Variants in SGO1 observed in about 807,000 individuals in gnomAD.
SGO1 encodes the protein serologically defined breast cancer antigen NY-BR-85.
Under a neutral mutation model 50.5 loss-of-function variants are expected in SGO1, and 39 were observed. The ratio of observed to expected loss-of-function variants is 0.77; its 90% CI spans 0.60 to 1.01. The LOEUF (loss-of-function observed/expected upper bound fraction) is 1.01, where lower values mean the gene tolerates loss of function less well. Among genes scored for constraint, SGO1 ranks in the 50% least tolerant of loss-of-function variants. The probability of loss-of-function intolerance (pLI) is 0.00; values close to 1 mark genes in which losing one functional copy is unlikely to be tolerated. For synonymous variants in SGO1, 191 were observed against 205.1 expected, an observed-to-expected ratio of 0.93 and a Z score of 0.59; for missense variants, 638 against 606.0, an observed-to-expected ratio of 1.05 and a Z score of -0.55.
chr3:20,161,177 A>G (rs775372765), exon 9 of SGO1: 9 of 1,610,468 alleles, frequency 5.6e-6, no homozygotes, highest in Non-Finnish European at 6.8e-6. Flanking sequence ...ATTCTCGAAC[A>G]TAATATAAAA....
At chr3:20,182,475 G>A (rs1702129663) in intron 3 of SGO1, among the ~76,000 whole-genome samples, 1 of 152,070 alleles carries the variant, frequency 6.6e-6, no homozygotes, top group South Asian at 2.1e-4. Flanking sequence ...CTGTACACCT[G>A]ACACCACTGC....
downstream of SGO1, among the ~76,000 whole-genome samples, chr3:20,165,686 T>C (rs1700261935): frequency 6.6e-6 from 1 of 152,216 alleles, no homozygotes; most frequent in African/African-American, 2.4e-5. Context: ...ATAGCCTTGA[T>C]ACCGAAAATA....
At chr3:20,176,460 A>G (rs1701398964) in intron 5 of SGO1, 141 bp downstream of exon 5, 2 of 573,908 alleles carry the variant, frequency 3.5e-6, no homozygotes, top group Non-Finnish European at 3.1e-6. Context: ...TGTAAAATAA[A>G]CAGATTTGCT....
chr3:20,174,682 CTTACTT>C lies in SGO1; in HGVS notation c.843_848del (p.Ser282_Lys283del). On this transcript the variant is annotated inframe_deletion, in exon 6 of 8. Transcript: ENST00000412997. ...TTTTTCTTTCTTGTGTATCTCTTTG[CTTACTT>C]TTAGTTTGTTCAGATTTAGATTCTA... 6.2e-7 allele frequency: 1 copy of C among 1,611,068 alleles called. No homozygotes were observed. Among genetic ancestry groups the C allele is most frequent in the South Asian group, 1.1e-5 (1 of 90,338 alleles).
At chr3:20,161,163 A>G in exon 9 of SGO1, 1 of 1,613,362 alleles carries the variant, frequency 6.2e-7, no homozygotes, top group Admixed American at 1.7e-5. Context: ...GAATCTCGAA[A>G]CAAATTCTCG....
chr3:20,175,921 G>A (rs185519883), intron 5 of SGO1, among the ~76,000 whole-genome samples: 1 of 152,174 alleles, frequency 6.6e-6, no homozygotes, highest in Non-Finnish European at 1.5e-5. Flanking sequence ...GGACAAATGA[G>A]AAAGTGGGAG....
chr3:20,178,162 C>A, intron 4 of SGO1, 109 bp downstream of exon 4: 1 of 772,740 alleles, frequency 1.3e-6, no homozygotes, highest in East Asian at 2.5e-5. Flanking sequence ...GAGAAAGCAA[C>A]AGACTACAAA....
intron 6 of SGO1, among the ~76,000 whole-genome samples, chr3:20,173,621 TACA>T (rs1462508165): frequency 3.9e-5 from 6 of 152,224 alleles, no homozygotes; most frequent in Non-Finnish European, 7.4e-5. Context: ...TTGAAAATGA[TACA>T]ACTTGACTAT....
At chr3:20,161,809 A>G (rs1700054109) in intron 8 of SGO1, among the ~76,000 whole-genome samples, 1 of 152,244 alleles carries the variant, frequency 6.6e-6, no homozygotes, top group East Asian at 1.9e-4. Context: ...AGGATAAATT[A>G]TTGACTTCCA....
chr3:20,173,491 C>T (rs749091141), intron 6 of SGO1, among the ~76,000 whole-genome samples: 23 of 152,172 alleles, frequency 1.5e-4, no homozygotes, highest in Middle Eastern at 3.4e-3. Flanking sequence ...ACTAACTGGC[C>T]GATTTAGAAA....
At chr3:20,185,305 G>A (rs1702511374) in intron 1 of SGO1, among the ~76,000 whole-genome samples, 1 of 152,168 alleles carries the variant, frequency 6.6e-6, no homozygotes, top group Non-Finnish European at 1.5e-5. Context: ...TAAAGGCAAA[G>A]CCTTACCTAA....
chr3:20,168,711 C>T (rs565517578), downstream of SGO1, among the ~76,000 whole-genome samples: 27 of 150,384 alleles, frequency 1.8e-4, no homozygotes, highest in African/African-American at 5.1e-4. Context: ...GGCACCATCT[C>T]GGCTCACTGC....
In SGO1 at chr3:20,176,659, C is replaced by A; in HGVS notation, c.417G>T (p.Pro139=). 6.4e-7 allele frequency: 1 copy of A among 1,561,108 alleles called. No homozygotes were observed. Among genetic ancestry groups the A allele is most frequent in the African/African-American group, 1.4e-5 (1 of 72,506 alleles). ...SSRNLFVKDL[P]QIPLEETELP... is the part of the protein sequence containing the mutation. ...GTTCAGTTTCTTCAAGAGGAATTTG[C>A]CTTAGAAAATACCAATGAAAAACAG... The change falls in exon 5 of 8, where the codon CCG becomes CCT. Residue 139 remains proline (P), a splice_region_variant and synonymous_variant. Transcript: ENST00000412997.
rs775776702 is a variant in SGO1 at position 20,161,103 on chromosome 3, C to G, written c.*2G>C. ...TTTCTAAGGATGTGAAGCCCGTGGA[C>G]TTTACCTCAAGCAGATGTGGGTTTC... On this transcript the variant is annotated 3_prime_UTR_variant, in exon 9 of 9. Transcript: ENST00000263753. 1.7e-5 allele frequency: 27 copies of G among 1,613,864 alleles called. 1 individual carries two copies. Among genetic ancestry groups the G allele is most frequent in the Non-Finnish European group, 2.3e-5 (27 of 1,179,838 alleles).
At chr3:20,164,748 A>G (rs1465668811), downstream of SGO1, among the ~76,000 whole-genome samples, 2 of 152,130 alleles carry the variant, frequency 1.3e-5, no homozygotes, top group Non-Finnish European at 2.9e-5. Context: ...ATGAAAATCA[A>G]TTGTATTCCA....
rs1019806810 is a variant in SGO1 at position 20,169,688 on chromosome 3, T to C, written c.*1016A>G. ...ACTAAATAAGGAGCTACCCTGAAAG[T>C]ACATGACATTTGTAATTTTATGGAG... On this transcript the variant is annotated 3_prime_UTR_variant, in exon 8 of 8. Coordinates refer to ENST00000412997, the MANE Select transcript of SGO1 (RefSeq NM_001199251.3). 4.3e-6 allele frequency: 4 copies of C among 921,810 alleles called. No homozygotes were observed. The African/African-American group carries it at 7.2e-5, about 17-fold the overall frequency. 57.1% of individuals were successfully genotyped at this position (921,810 alleles called of 1,614,324 possible).
At chr3:20,169,325 T>C (rs1700489188), downstream of SGO1, 5 of 983,174 alleles carry the variant, frequency 5.1e-6, no homozygotes, top group Non-Finnish European at 6.0e-6. Flanking sequence ...TTTATAGCAA[T>C]GACTACTGAA....
At chr3:20,180,582 T>A (rs4858773) in intron 3 of SGO1, among the ~76,000 whole-genome samples, 39,981 of 151,450 alleles carry the variant, frequency 0.26, 5,236 homozygotes, top group African/African-American at 0.27. Context: ...GGCTGGGGAG[T>A]GGCTGGGGTT....
At chr3:20,171,975 C>G (rs566399131) in intron 6 of SGO1, among the ~76,000 whole-genome samples, 2 of 152,270 alleles carry the variant, frequency 1.3e-5, no homozygotes, top group South Asian at 4.1e-4. Flanking sequence ...CAAACTGTAT[C>G]CCCAAAAAAG....
Sources: allele counts gnomAD v4.1 joint callset (sites outside exome capture counted in the v4.1 genomes callset), GRCh38; gene constraint gnomAD v4.1.1; transcripts MANE v1.5; gene names NCBI Gene and HGNC (gene_info 2026-07-23, HGNC 2026-07-21).